NUP62: variants seen among roughly 807,000 people sequenced by gnomAD.
The protein encoded by NUP62 is nucleoporin 62.
For synonymous variants in NUP62, 305 were observed against 303.4 expected (o/e 1.01, Z -0.05); for missense variants, 647 against 689.4 (o/e 0.94, Z 0.69).
chr19:49,908,160 C>T lies in NUP62; in HGVS notation c.*79G>A, dbSNP rs186001015. On this transcript the variant is annotated 3_prime_UTR_variant, in exon 3 of 3. Transcript: ENST00000352066. ...AAACAAACAAACAAGTATCTTGCCACAACCCCAAACTACAGACAACAGGGC... is the reference window on the plus strand; with the variant it reads ...AAACAAACAAACAAGTATCTTGCCATAACCCCAAACTACAGACAACAGGGC... The T allele has an allele frequency of 1.5e-5, 23 of 1,563,250 alleles. No homozygotes were observed. In the Admixed American group the frequency reaches 4.3e-4, roughly 29 times the overall value.
chr19:49,911,789 T>C (rs1434856792), intron 2 of NUP62, among the ~76,000 whole-genome samples: 1 of 152,238 alleles, frequency 6.6e-6, no homozygotes, highest in African/African-American at 2.4e-5. Context: ...TGGGATGCTG[T>C]GGCCCTGGCA....
At chr19:49,915,192 C>T (rs939805606) in intron 2 of NUP62, among the ~76,000 whole-genome samples, 8 of 152,050 alleles carry the variant, frequency 5.3e-5, no homozygotes, top group African/African-American at 1.7e-4. Flanking sequence ...CCCAAACATG[C>T]CCACACTCTG....
Position 49,907,661 on chromosome 19 carries a change from T to C in NUP62, c.*578A>G. ...GATTCTCCTGCCTCAGCCTCCCGAG[T>C]AGCTGAGATTGAGATCACAGGCGTC... On this transcript the variant is annotated 3_prime_UTR_variant, in exon 3 of 3. Coordinates refer to ENST00000352066, the MANE Select transcript of NUP62 (RefSeq NM_016553.5). 2 of 370,094 alleles carry C rather than the reference T, an allele frequency of 5.4e-6. No homozygotes were observed. Among genetic ancestry groups the C allele is most frequent in the South Asian group, 2.1e-5 (1 of 47,868 alleles). The allele number at this position is 370,094 out of a possible 1,614,324, so 22.9% of individuals were successfully genotyped here.
At chr19:49,916,392 C>T (rs1243936903) in intron 2 of NUP62, among the ~76,000 whole-genome samples, 5 of 144,294 alleles carry the variant, frequency 3.5e-5, no homozygotes, top group South Asian at 2.2e-4. Context: ...CTCGCTCTGT[C>T]GCCCAGGCTG....
intron 2 of NUP62, among the ~76,000 whole-genome samples, chr19:49,922,306 C>T (rs528917732): frequency 2.7e-4 from 41 of 152,276 alleles, no homozygotes; most frequent in African/African-American, 9.6e-4. Flanking sequence ...CTCCTGGTGG[C>T]CTCTGGCTGG....
intron 2 of NUP62, among the ~76,000 whole-genome samples, chr19:49,913,852 C>T (rs1449862669): frequency 1.3e-5 from 2 of 151,966 alleles, no homozygotes; most frequent in Non-Finnish European, 2.9e-5. Context: ...ACGGTTCGGG[C>T]GTTATATTGA....
intron 2 of NUP62, among the ~76,000 whole-genome samples, chr19:49,916,838 T>C (rs1386281380): frequency 1.3e-5 from 2 of 152,194 alleles, no homozygotes; most frequent in African/African-American, 4.8e-5. Context: ...GGAGGATGAC[T>C]TGAGCCCAGG....
At chr19:49,916,054 C>T (rs990756095) in intron 2 of NUP62, among the ~76,000 whole-genome samples, 12 of 152,210 alleles carry the variant, frequency 7.9e-5, no homozygotes, top group East Asian at 1.9e-4. Flanking sequence ...TAACCGGCAC[C>T]GTGCCAGAGC....
intron 2 of NUP62, among the ~76,000 whole-genome samples, chr19:49,925,420 C>G (rs2075862381): frequency 1.4e-5 from 2 of 148,122 alleles, no homozygotes; most frequent in Non-Finnish European, 1.5e-5. Context: ...CATAGTAAGA[C>G]CCTCCCCCCC....
rs149516119 is a variant in NUP62, at chr19:49,914,832, C to T, written c.-77-4948G>A. 7.1e-3 allele frequency among the ~76,000 whole-genome samples: 1,070 copies of T among 149,774 alleles called. 6 individuals carry two copies. The highest frequency in any genetic ancestry group is 0.02 in the African/African-American group (822 of 40,578). Reference sequence around the variant, plus strand: ...TTGGCTCACTACAACCTCCGCCTCCCGGGTTCAAGCAATTCTCCCACCTCA... The same window carrying T: ...TTGGCTCACTACAACCTCCGCCTCCTGGGTTCAAGCAATTCTCCCACCTCA... On this transcript the variant is annotated intron_variant, in intron 2 of 2. Coordinates refer to ENST00000352066, the MANE Select transcript of NUP62 (RefSeq NM_016553.5).
intron 2 of NUP62, among the ~76,000 whole-genome samples, chr19:49,912,569 G>A (rs1031443095): frequency 1.3e-5 from 2 of 152,116 alleles, no homozygotes; most frequent in Non-Finnish European, 2.9e-5. Flanking sequence ...CCTGATCCAC[G>A]CAGTTTAGAT....
intron 2 of NUP62, among the ~76,000 whole-genome samples, chr19:49,916,972 G>A (rs181716397): frequency 3.3e-5 from 5 of 152,320 alleles, no homozygotes; most frequent in African/African-American, 7.2e-5. Flanking sequence ...CATGGCATTC[G>A]GCTGACAGCC....
chr19:49,907,889 GGA>G lies in NUP62; in HGVS notation c.*348_*349del. ...TTCATGACACCTATGACTATGCTTT[GGA>G]GAGAGTGGCTGCCCCCACGACCCTG... On this transcript the variant is annotated 3_prime_UTR_variant, in exon 3 of 3. Transcript: ENST00000352066. The G allele has an allele frequency of 2.4e-6, 1 of 408,980 alleles. No homozygotes were observed. The highest frequency in any genetic ancestry group is 2.4e-5 in the South Asian group (1 of 42,378). 25.3% of individuals were successfully genotyped at this position (408,980 alleles called of 1,614,324 possible).
chr19:49,926,907 G>A (rs1328896021), intron 2 of NUP62, among the ~76,000 whole-genome samples: 1 of 148,568 alleles, frequency 6.7e-6, no homozygotes, highest in East Asian at 2.0e-4. Flanking sequence ...CCAGGCTGCA[G>A]TGTGGTGGCA....
At position 49,920,664 on chromosome 19, in the gene NUP62, C is replaced by T. The variant is rs903290382; in HGVS notation, c.-78+7030G>A. ...ACGGCTCGGGCAGAGTTTCTAAGGG[C>T]AGGCCCATGCCTTCCTTGGGGTGGC... On this transcript the variant is annotated intron_variant, in intron 2 of 2. Coordinates refer to ENST00000352066, the MANE Select transcript of NUP62 (RefSeq NM_016553.5). Among the ~76,000 whole-genome samples, 13 of 152,308 alleles carry T rather than the reference C, an allele frequency of 8.5e-5. 1 individual carries two copies. The East Asian group carries it at 1.7e-3, about 20-fold the overall frequency.
rs930245677 is a variant in NUP62 at position 49,922,898 on chromosome 19, T to C, written c.-78+4796A>G. ...GTTCACCGGTCCAGGCCTCTTCCCA[T>C]GTCAACCCCCTGCCCCTCCACACTG... On this transcript the variant is annotated intron_variant, in intron 2 of 2. Transcript: ENST00000352066. Among the ~76,000 whole-genome samples the C allele has an allele frequency of 3.9e-5, 6 of 152,158 alleles. 1 individual carries two copies. In the East Asian group the frequency reaches 7.8e-4, roughly 20 times the overall value.
chr19:49,912,084 T>C (rs1039548280), intron 2 of NUP62, among the ~76,000 whole-genome samples: 1 of 152,198 alleles, frequency 6.6e-6, no homozygotes, highest in Admixed American at 6.5e-5. Context: ...AAGAAGAGCA[T>C]TTATAAAAAG....
chr19:49,907,658 G>A lies in NUP62; in HGVS notation c.*581C>T, dbSNP rs911985770. 1.1e-5 allele frequency: 4 copies of A among 369,826 alleles called. No individual in the cohort carries two copies. The highest frequency in any genetic ancestry group is 2.1e-5 in the South Asian group (1 of 47,874). The allele number at this position is 369,826 out of a possible 1,614,324, so 22.9% of individuals were successfully genotyped here. Reference sequence around the variant, plus strand: ...AGTGATTCTCCTGCCTCAGCCTCCCGAGTAGCTGAGATTGAGATCACAGGC... The same window carrying A: ...AGTGATTCTCCTGCCTCAGCCTCCCAAGTAGCTGAGATTGAGATCACAGGC... On this transcript the variant is annotated 3_prime_UTR_variant, in exon 3 of 3. Coordinates refer to ENST00000352066, the MANE Select transcript of NUP62 (RefSeq NM_016553.5).
chr19:49,923,980 C>T (rs1215920864), intron 2 of NUP62, among the ~76,000 whole-genome samples: 8 of 152,382 alleles, frequency 5.2e-5, no homozygotes, highest in African/African-American at 1.9e-4. Context: ...CCTTTTCCAT[C>T]ATGCCAGGAG....
Sources: allele counts gnomAD v4.1 joint callset (sites outside exome capture counted in the v4.1 genomes callset), GRCh38; gene constraint gnomAD v4.1.1; transcripts MANE v1.5; gene names NCBI Gene and HGNC (gene_info 2026-07-23, HGNC 2026-07-21).